Variants in EXOC4 observed in about 807,000 individuals in gnomAD.
EXOC4 encodes exocyst complex component 4, also known as SEC8-like 1.
EXOC4 carries 71 observed loss-of-function variants against 107.2 expected under a neutral mutation model. The ratio of observed to expected loss-of-function variants is 0.66; its 90% CI spans 0.55 to 0.81. EXOC4 has a LOEUF of 0.81. Ranked by LOEUF, EXOC4 falls within the 30% of genes least tolerant of loss-of-function variation. The pLI is 0.00. For synonymous variants in EXOC4, 456 were observed against 441.2 expected, an observed-to-expected ratio of 1.03 and a Z score of -0.42; for missense variants, 1,108 against 1,189.6, an observed-to-expected ratio of 0.93 and a Z score of 1.01.
chr7:133,559,933 T>C (rs1404011743), intron 9 of EXOC4, among the ~76,000 whole-genome samples: 1 of 152,174 alleles, frequency 6.6e-6, no homozygotes, highest in Non-Finnish European at 1.5e-5. Context: ...ACCATAACCA[T>C]GTGGATGAAA....
chr7:133,616,566 A>C (rs145591059), intron 9 of EXOC4, among the ~76,000 whole-genome samples: 3 of 152,266 alleles, frequency 2.0e-5, no homozygotes, highest in African/African-American at 7.2e-5. Flanking sequence ...CAGACCTGTC[A>C]TGAATTTTGC....
intron 17 of EXOC4, among the ~76,000 whole-genome samples, chr7:134,032,611 C>T (rs1795294931): frequency 6.6e-6 from 1 of 152,184 alleles, no homozygotes; most frequent in African/African-American, 2.4e-5. Flanking sequence ...GTGCGGTGGC[C>T]ACCTTTCTGC....
chr7:133,279,074 G>GT (rs1170975790), intron 2 of EXOC4, among the ~76,000 whole-genome samples: 2 of 151,718 alleles, frequency 1.3e-5, no homozygotes, highest in Non-Finnish European at 2.9e-5. Context: ...GTGGTGTTTG[G>GT]TTTTTTGTCC....
At chr7:133,787,963 T>TTTTATA (rs1203837455) in intron 10 of EXOC4, among the ~76,000 whole-genome samples, 36 of 40,960 alleles carry the variant, frequency 8.8e-4, no homozygotes, top group African/African-American at 2.9e-3. Flanking sequence ...ATTTATATAT[T>TTTTATA]TATATATATA....
chr7:133,580,036 T>C (rs1331259090), intron 9 of EXOC4, among the ~76,000 whole-genome samples: 1 of 152,212 alleles, frequency 6.6e-6, no homozygotes, highest in East Asian at 1.9e-4. Context: ...TTGATTCATA[T>C]AAGTGAAATA....
intron 7 of EXOC4, among the ~76,000 whole-genome samples, 163 bp from the exon 8 acceptor site, chr7:133,475,165 A>G (rs1332084447): frequency 5.9e-5 from 9 of 152,212 alleles, no homozygotes; most frequent in Admixed American, 5.9e-4. Context: ...ACTAGCTATA[A>G]TGAATCTTTT....
chr7:133,393,660 T>A (rs141486287), intron 7 of EXOC4, among the ~76,000 whole-genome samples: 1 of 152,300 alleles, frequency 6.6e-6, no homozygotes, highest in African/African-American at 2.4e-5. Context: ...CCCTCGACAG[T>A]TCTGCCACGT....
intron 6 of EXOC4, among the ~76,000 whole-genome samples, chr7:133,366,026 A>T (rs140500658): frequency 6.6e-5 from 10 of 152,300 alleles, no homozygotes; most frequent in African/African-American, 2.2e-4. Flanking sequence ...GAACAGAACT[A>T]ATTCTTCTAT....
chr7:133,916,338 C>A (rs1316972805), intron 12 of EXOC4, among the ~76,000 whole-genome samples: 1 of 152,196 alleles, frequency 6.6e-6, no homozygotes, highest in African/African-American at 2.4e-5. Flanking sequence ...TGGACCAGGA[C>A]CAGTCCGTGG....
chr7:133,786,326 G>A (rs968617260), intron 10 of EXOC4, among the ~76,000 whole-genome samples: 9 of 152,096 alleles, frequency 5.9e-5, no homozygotes, highest in African/African-American at 2.2e-4. Flanking sequence ...TTTGGCCAGG[G>A]GTCTGCTGAT....
chr7:133,911,781 G>A (rs1378102535), intron 12 of EXOC4, among the ~76,000 whole-genome samples: 1 of 152,106 alleles, frequency 6.6e-6, no homozygotes, highest in East Asian at 1.9e-4. Flanking sequence ...GCATGGATGC[G>A]CTCAAAGACG....
chr7:133,823,741 G>A (rs1280236416), intron 11 of EXOC4, among the ~76,000 whole-genome samples: 9 of 144,710 alleles, frequency 6.2e-5, no homozygotes, highest in East Asian at 4.1e-4. Flanking sequence ...GCTTGAACCC[G>A]GGAGCTGGAG....
rs1163490115 is a variant in EXOC4 at position 133,604,651 on chromosome 7, A to G, written c.1418-25394A>G. 2.2e-5 allele frequency among the ~76,000 whole-genome samples: 3 copies of G among 139,022 alleles called. 1 individual carries two copies. The highest frequency in any genetic ancestry group is 4.6e-4 in the South Asian group (2 of 4,372). The allele number at this position is 139,022 out of a possible 152,430, so 91.2% of individuals were successfully genotyped here. A position where few individuals can be genotyped will look rare whatever the true frequency, so the allele number is the denominator to read the frequency against. On this transcript the variant is annotated intron_variant, in intron 9 of 17. Transcript: ENST00000253861. The stretch of plus-strand genomic sequence containing the variant: ...GTACTGCTCCTTCAGCTCTGGTTTC[A>G]TCTTTGCTTTAACTTATAGCACTGA...
At chr7:133,894,047 G>A (rs199741058) in intron 11 of EXOC4, among the ~76,000 whole-genome samples, 17,772 of 62,094 alleles carry the variant, frequency 0.29, 3,439 homozygotes, top group African/African-American at 0.62. Flanking sequence ...TCCATTCTCC[G>A]CATCACTTTC....
chr7:133,892,676 G>A (rs1460072455), intron 11 of EXOC4, among the ~76,000 whole-genome samples: 1 of 79,134 alleles, frequency 1.3e-5, no homozygotes, highest in Non-Finnish European at 2.2e-5. Flanking sequence ...CCTTCATTTC[G>A]TTATGTACCC....
intron 10 of EXOC4, among the ~76,000 whole-genome samples, chr7:133,706,323 A>G (rs773651546): frequency 6.6e-6 from 1 of 152,238 alleles, no homozygotes; most frequent in South Asian, 2.1e-4. Context: ...ATAAGAATTT[A>G]CAAAATAGGC....
chr7:133,832,076 G>T (rs1312776526), intron 11 of EXOC4, among the ~76,000 whole-genome samples: 1 of 152,162 alleles, frequency 6.6e-6, no homozygotes, highest in Non-Finnish European at 1.5e-5. Context: ...ACGTATAGCA[G>T]TGTCAGAATA....
chr7:133,939,921 A>G (rs1352837154), intron 14 of EXOC4, among the ~76,000 whole-genome samples: 3 of 152,190 alleles, frequency 2.0e-5, no homozygotes, highest in Non-Finnish European at 4.4e-5. Context: ...CTCTAGAAAA[A>G]GTCAGAAAGA....
chr7:133,535,234 C>T (rs1317207491), intron 9 of EXOC4, among the ~76,000 whole-genome samples: 3 of 152,036 alleles, frequency 2.0e-5, no homozygotes, highest in African/African-American at 4.8e-5. Flanking sequence ...CGATTTTACT[C>T]ATGAAGTTCT....
Sources: allele counts gnomAD v4.1 joint callset (sites outside exome capture counted in the v4.1 genomes callset), GRCh38; gene constraint gnomAD v4.1.1; transcripts MANE v1.5; gene names NCBI Gene and HGNC (gene_info 2026-07-23, HGNC 2026-07-21).